MACROD2: variants seen among roughly 807,000 people sequenced by gnomAD.
The protein encoded by MACROD2 is mono-ADP ribosylhydrolase 2, also known as ADP-ribose glycohydrolase MACROD2.
A neutral mutation model predicts 70.4 loss-of-function variants in MACROD2; 36 were observed. The observed-to-expected ratio is 0.51, with a 90% CI of 0.39 to 0.68. The LOEUF is 0.68. Among genes scored for constraint, MACROD2 ranks in the 30% least tolerant of loss-of-function variants. MACROD2 has a pLI of 0.00. For synonymous variants in MACROD2, 172 were observed against 178.8 expected, an observed-to-expected ratio of 0.96 and a Z score of 0.30; for missense variants, 496 against 538.4, an observed-to-expected ratio of 0.92 and a Z score of 0.78.
At position 15,802,801 on chromosome 20, in the gene MACROD2, C is replaced by T. The variant is rs1449147770; in HGVS notation, c.646-59944C>T. The stretch of plus-strand genomic sequence containing the variant: ...CTAATCAAGAAAAAAGATAATATAT[C>T]CAAATAAATCACATAAGAAATGAAA... On this transcript the variant is annotated intron_variant, in intron 8 of 17. Transcript: ENST00000684519. Among the ~76,000 whole-genome samples the T allele has an allele frequency of 4.6e-5, 7 of 151,818 alleles. No homozygotes were observed. In the East Asian group the frequency reaches 1.4e-3, roughly 29 times the overall value.
chr20:15,401,945 TG>T (rs2045936535), intron 6 of MACROD2, among the ~76,000 whole-genome samples: 1 of 152,208 alleles, frequency 6.6e-6, no homozygotes, highest in Non-Finnish European at 1.5e-5. Flanking sequence ...AGTTTGTGGA[TG>T]TTAAGAACCT....
At chr20:14,433,962 A>G (rs2084026665) in intron 3 of MACROD2, among the ~76,000 whole-genome samples, 1 of 152,188 alleles carries the variant, frequency 6.6e-6, no homozygotes, top group African/African-American at 2.4e-5. Flanking sequence ...AATTCTTTTA[A>G]CCATGGTCAT....
intron 8 of MACROD2, among the ~76,000 whole-genome samples, chr20:15,509,763 T>C (rs989257428): frequency 6.6e-6 from 1 of 152,222 alleles, no homozygotes; most frequent in South Asian, 2.1e-4. Context: ...TCCATCTCTC[T>C]GGACTCAGTT....
At chr20:15,701,165 G>GTAT (rs1165907532) in intron 8 of MACROD2, among the ~76,000 whole-genome samples, 1 of 152,134 alleles carries the variant, frequency 6.6e-6, no homozygotes, top group Non-Finnish European at 1.5e-5. Context: ...ATTTATTTAT[G>GTAT]TATTGTCCAT....
chr20:14,903,091 G>A (rs932157536), intron 5 of MACROD2, among the ~76,000 whole-genome samples: 2 of 145,582 alleles, frequency 1.4e-5, no homozygotes, highest in African/African-American at 5.2e-5. Flanking sequence ...GCCCAGGCTG[G>A]AGTGCAATGG....
chr20:15,399,513 C>G (rs1445504954), intron 6 of MACROD2, among the ~76,000 whole-genome samples: 1 of 152,136 alleles, frequency 6.6e-6, no homozygotes. Context: ...CCTGAACATT[C>G]CTCTTTGGTT....
chr20:15,736,274 A>T (rs113889375), intron 8 of MACROD2, among the ~76,000 whole-genome samples: 133 of 152,348 alleles, frequency 8.7e-4, no homozygotes, highest in Non-Finnish European at 1.6e-3. Context: ...AGGACTCTAG[A>T]GCAAGTGCCA....
At chr20:14,288,938 C>A (rs1440487737) in intron 3 of MACROD2, among the ~76,000 whole-genome samples, 1 of 152,200 alleles carries the variant, frequency 6.6e-6, no homozygotes, top group African/African-American at 2.4e-5. Flanking sequence ...CTTTACCTGA[C>A]CCTTGAGCCT....
intron 8 of MACROD2, among the ~76,000 whole-genome samples, chr20:15,600,559 T>C (rs2048805217): frequency 6.6e-6 from 1 of 152,206 alleles, no homozygotes; most frequent in Non-Finnish European, 1.5e-5. Flanking sequence ...CCAGAGAGCT[T>C]TAGGAAATCT....
Position 14,916,007 on chromosome 20 carries a change from TACTC to T in MACROD2, c.418+231051_418+231054del, listed in dbSNP as rs1171597422. ...TCTCAATTTCGGACTTATTTTAAAT[TACTC>T]ACAGGGAAATGGGTGCCCCATTTAA... is the stretch of plus-strand genomic sequence containing the variant. On this transcript the variant is annotated intron_variant, in intron 5 of 17. Transcript: ENST00000684519. Among the ~76,000 whole-genome samples the T allele has an allele frequency of 4.9e-4, 74 of 152,298 alleles. 1 individual carries two copies. Among genetic ancestry groups the T allele is most frequent in the East Asian group, 5.8e-4 (3 of 5,176 alleles).
Position 15,750,919 on chromosome 20 carries a change from T to G in MACROD2, c.646-111826T>G, listed in dbSNP as rs575706448. On this transcript the variant is annotated intron_variant, in intron 8 of 17. Transcript: ENST00000684519. The stretch of plus-strand genomic sequence containing the variant: ...ACAGAAAATATTTTAAGAGGTGTTT[T>G]TTTGTTTGTTTGTTTTTTGTTTGTT... 6.5e-3 allele frequency among the ~76,000 whole-genome samples: 993 copies of G among 151,884 alleles called. 10 individuals are homozygous for G. The highest frequency in any genetic ancestry group is 0.022 in the African/African-American group (932 of 41,486).
chr20:15,787,427 T>A (rs2051948497), intron 8 of MACROD2, among the ~76,000 whole-genome samples: 1 of 152,168 alleles, frequency 6.6e-6, no homozygotes, highest in Non-Finnish European at 1.5e-5. Flanking sequence ...GTGAACATAG[T>A]ACCCAATCTG....
At position 16,044,734 on chromosome 20, in the gene MACROD2, C is replaced by T. The variant is rs57199172; in HGVS notation, c.1300+95C>T. 0.041 allele frequency: 45,972 copies of T among 1,112,654 alleles called. 7,075 individuals are homozygous for T. The African/African-American group carries it at 0.42, about 10-fold the overall frequency. The allele number at this position is 1,112,654 out of a possible 1,614,324, so 68.9% of individuals were successfully genotyped here. A position where few individuals can be genotyped will look rare whatever the true frequency, so the allele number is the denominator to read the frequency against. ...TGGATTTCCCTTGGTTTTGCCAAGTCCCCACAGCATGGCTTGGGATAAACC... is the reference window on the plus strand; with the variant it reads ...TGGATTTCCCTTGGTTTTGCCAAGTTCCCACAGCATGGCTTGGGATAAACC... On this transcript the variant is annotated intron_variant, in intron 17 of 17. Transcript: ENST00000684519.
intron 8 of MACROD2, among the ~76,000 whole-genome samples, chr20:15,536,318 T>C (rs982901176): frequency 6.6e-6 from 1 of 152,198 alleles, no homozygotes; most frequent in Non-Finnish European, 1.5e-5. Flanking sequence ...TGGGTTGTCT[T>C]CTTGGCACAA....
chr20:15,605,338 A>G (rs397145), intron 8 of MACROD2, among the ~76,000 whole-genome samples: 84,893 of 151,726 alleles, frequency 0.56, 25,962 homozygotes, highest in African/African-American at 0.84. Flanking sequence ...TTTTTTTCAT[A>G]ATTTCCCACA....
intron 3 of MACROD2, among the ~76,000 whole-genome samples, chr20:14,116,763 T>C (rs911853132): frequency 4.6e-5 from 7 of 152,072 alleles, no homozygotes; most frequent in African/African-American, 1.2e-4. Flanking sequence ...CTACTTAATA[T>C]TAACATTTTT....
At chr20:15,575,635 A>G (rs935253218) in intron 8 of MACROD2, among the ~76,000 whole-genome samples, 37 of 152,274 alleles carry the variant, frequency 2.4e-4, no homozygotes, top group African/African-American at 8.2e-4. Flanking sequence ...GGCATTTGTA[A>G]TATGTGTTTT....
At chr20:15,863,432 G>A (rs1010273027) in intron 9 of MACROD2, among the ~76,000 whole-genome samples, 4 of 152,258 alleles carry the variant, frequency 2.6e-5, no homozygotes, top group Admixed American at 1.3e-4. Flanking sequence ...TGAATGTGCC[G>A]TTAGTTGGAT....
intron 5 of MACROD2, among the ~76,000 whole-genome samples, chr20:15,118,017 A>T (rs1314049143): frequency 6.6e-6 from 1 of 151,982 alleles, no homozygotes; most frequent in Admixed American, 6.6e-5. Context: ...AGATATGCCA[A>T]CTCAAACTCC....
Sources: allele counts gnomAD v4.1 joint callset (sites outside exome capture counted in the v4.1 genomes callset), GRCh38; gene constraint gnomAD v4.1.1; transcripts MANE v1.5; gene names NCBI Gene and HGNC (gene_info 2026-07-23, HGNC 2026-07-21).